Variants in DUSP22 observed in about 807,000 individuals in gnomAD.
DUSP22 encodes the protein dual specificity protein phosphatase 22.
In DUSP22, 24 loss-of-function variants were observed where a neutral mutation model predicts 24.5. The ratio of observed to expected loss-of-function variants is 0.98; its 90% CI spans 0.71 to 1.38. The LOEUF (loss-of-function observed/expected upper bound fraction) is 1.38, where lower values mean the gene tolerates loss of function less well. Ranked by LOEUF, DUSP22 falls within the 40% of genes most tolerant of loss-of-function variation. The pLI is 0.00. For missense variants in DUSP22, 330 were observed against 269.2 expected, an observed-to-expected ratio of 1.23 and a Z score of -1.58; for synonymous variants, 160 against 106.4, an observed-to-expected ratio of 1.50 and a Z score of -3.10.
intron 4 of DUSP22, among the ~76,000 whole-genome samples, chr6:337,350 G>C (rs200464684): frequency 7.9e-5 from 12 of 152,408 alleles, no homozygotes; most frequent in Middle Eastern, 3.4e-3. Context: ...TGTTTTCTGC[G>C]AACTCTGAGC....
chr6:313,891 A>T lies in DUSP22; in HGVS notation c.138+1929A>T, dbSNP rs1006926805. 2.0e-5 allele frequency among the ~76,000 whole-genome samples: 3 copies of T among 152,418 alleles called. No individual in the cohort carries two copies. The East Asian group carries it at 5.8e-4, about 29-fold the overall frequency. The stretch of plus-strand genomic sequence containing the variant: ...AGTTATTTGAATTGGTGGTGCCCAC[A>T]TTAAGTTATAGTCTCAGAAGTTCCA... On this transcript the variant is annotated intron_variant, in intron 3 of 6. Coordinates refer to ENST00000419235, the MANE Select transcript of DUSP22 (RefSeq NM_001286555.3).
chr6:300,884 CCT>C (rs1757551214), intron 1 of DUSP22, among the ~76,000 whole-genome samples: 1 of 152,310 alleles, frequency 6.6e-6, no homozygotes. Context: ...TCAGGGGCAA[CCT>C]TGGCAGGAGC....
intron 3 of DUSP22, among the ~76,000 whole-genome samples, chr6:331,091 A>C (rs1759121384): frequency 6.6e-6 from 1 of 152,308 alleles, no homozygotes; most frequent in South Asian, 2.1e-4. Context: ...TCTTGAAGCA[A>C]ACACAGAGCC....
chr6:343,596 C>T (rs1232171334), intron 4 of DUSP22, among the ~76,000 whole-genome samples: 1 of 103,338 alleles, frequency 9.7e-6, no homozygotes, highest in East Asian at 2.6e-4. Context: ...AGTCCGGAGT[C>T]CTTGATTTGG....
intron 1 of DUSP22, among the ~76,000 whole-genome samples, chr6:295,397 C>T (rs1438257915): frequency 2.0e-5 from 3 of 152,288 alleles, no homozygotes; most frequent in African/African-American, 4.8e-5. Context: ...AATATTGTGC[C>T]CGTTTCCGTT....
intron 3 of DUSP22, among the ~76,000 whole-genome samples, chr6:332,452 CCT>C (rs1295266276): frequency 1.3e-5 from 2 of 152,426 alleles, no homozygotes; most frequent in East Asian, 3.9e-4. Flanking sequence ...CTCGTGCCCA[CCT>C]GACAAGGTGC....
chr6:304,311 C>T (rs1487734585), intron 1 of DUSP22, among the ~76,000 whole-genome samples: 2 of 152,302 alleles, frequency 1.3e-5, no homozygotes, highest in East Asian at 1.9e-4. Flanking sequence ...GCTGCAGGGC[C>T]GCCAGGGCTG....
rs1760079987 is a variant in DUSP22, at chr6:349,546, C to T, written c.*595C>T. On this transcript the variant is annotated 3_prime_UTR_variant, in exon 7 of 7. Coordinates refer to ENST00000419235, the MANE Select transcript of DUSP22 (RefSeq NM_001286555.3). ...GAGTGGCTAAGAGCATGGCCTCTCCCAGAACCCACCCAGGGTGGTGTGGTG... is the reference window on the plus strand; with the variant it reads ...GAGTGGCTAAGAGCATGGCCTCTCCTAGAACCCACCCAGGGTGGTGTGGTG... 1 of 990,160 alleles carries T rather than the reference C, an allele frequency of 1.0e-6. No homozygotes were observed. Among genetic ancestry groups the T allele is most frequent in the African/African-American group, 1.7e-5 (1 of 57,426 alleles). The allele number at this position is 990,160 out of a possible 1,614,324, so 61.3% of individuals were successfully genotyped here.
chr6:326,073 C>T, intron 3 of DUSP22: 1 of 231,260 alleles, frequency 4.3e-6, no homozygotes, highest in Non-Finnish European at 8.2e-6. Context: ...GGAGAGTCAT[C>T]TGCCCTGGGC....
chr6:313,840 A>G (rs569621209), intron 3 of DUSP22, among the ~76,000 whole-genome samples: 2 of 152,424 alleles, frequency 1.3e-5, no homozygotes, highest in South Asian at 4.1e-4. Flanking sequence ...CTCTGATTGC[A>G]CAGTGGGGAA....
At chr6:296,179 A>G (rs1412982655) in intron 1 of DUSP22, among the ~76,000 whole-genome samples, 5 of 152,306 alleles carry the variant, frequency 3.3e-5, no homozygotes, top group African/African-American at 9.6e-5. Context: ...CAGGCAAGAA[A>G]CTAAAACTTT....
chr6:350,590 A>G lies in DUSP22; in HGVS notation c.*1639A>G. On this transcript the variant is annotated 3_prime_UTR_variant, in exon 7 of 7. Coordinates refer to ENST00000419235, the MANE Select transcript of DUSP22 (RefSeq NM_001286555.3). ...GCAGGTGCACAGGCCCCGGATGTAC[A>G]CCCGGAAAGGGGAGTGTGGCTGTAG... 7.0e-7 allele frequency: 1 copy of G among 1,423,284 alleles called. No individual in the cohort carries two copies. The highest frequency in any genetic ancestry group is 1.5e-5 in the South Asian group (1 of 65,994). The allele number at this position is 1,423,284 out of a possible 1,614,324, so 88.2% of individuals were successfully genotyped here.
chr6:338,255 G>A (rs1478826801), intron 4 of DUSP22, among the ~76,000 whole-genome samples: 2 of 152,304 alleles, frequency 1.3e-5, no homozygotes, highest in Non-Finnish European at 2.9e-5. Flanking sequence ...TGTGGAAATG[G>A]TGGAGCTGAC....
chr6:333,243 C>T lies in DUSP22; in HGVS notation c.139-1871C>T, dbSNP rs1046988366. ...GTGAAGGCAAAGGAGGGAGAAGCTG[C>T]TGCCTCACTTTCCTCTTCCACCAGC... is the stretch of plus-strand genomic sequence containing the variant. On this transcript the variant is annotated intron_variant, in intron 3 of 6. Transcript: ENST00000419235. Among the ~76,000 whole-genome samples, 3 of 152,426 alleles carry T rather than the reference C, an allele frequency of 2.0e-5. No individual in the cohort carries two copies. The East Asian group carries it at 5.8e-4, about 29-fold the overall frequency.
At chr6:327,322 C>T (rs1325879110) in intron 3 of DUSP22, among the ~76,000 whole-genome samples, 1 of 152,310 alleles carries the variant, frequency 6.6e-6, no homozygotes, top group Non-Finnish European at 1.5e-5. Flanking sequence ...GCCCCATTTA[C>T]AGCTGGAGGA....
intron 1 of DUSP22, among the ~76,000 whole-genome samples, chr6:301,031 G>T (rs997661631): frequency 1.5e-4 from 23 of 152,298 alleles, no homozygotes; most frequent in Non-Finnish European, 2.9e-4. Flanking sequence ...TATCCCTGCA[G>T]CCGGCGTGCA....
chr6:317,867 C>T (rs993081857), intron 3 of DUSP22, among the ~76,000 whole-genome samples: 25 of 152,276 alleles, frequency 1.6e-4, no homozygotes, highest in African/African-American at 4.3e-4. Flanking sequence ...TGTCTTATCA[C>T]GCATTTAGCC....
chr6:310,244 A>G (rs1303741883), intron 2 of DUSP22, among the ~76,000 whole-genome samples: 2 of 152,294 alleles, frequency 1.3e-5, no homozygotes, highest in Admixed American at 6.5e-5. Flanking sequence ...TACAGGTGTC[A>G]GTCACCATGC....
rs1760093497 is a variant in DUSP22 at position 349,730 on chromosome 6, C to G, written c.*779C>G. The G allele has an allele frequency of 2.2e-5, 22 of 986,000 alleles. No individual in the cohort carries two copies. The highest frequency in any genetic ancestry group is 2.4e-5 in the Non-Finnish European group (20 of 830,390). 61.1% of individuals were successfully genotyped at this position (986,000 alleles called of 1,614,324 possible). ...TGCCTCCATCTCAATGTGAATGCAC[C>G]AGGCTGAGGGTTCCCTAGCGCCTTG... On this transcript the variant is annotated 3_prime_UTR_variant, in exon 7 of 7. Coordinates refer to ENST00000419235, the MANE Select transcript of DUSP22 (RefSeq NM_001286555.3).
Sources: gnomAD v4.1 joint callset for allele counts (sites outside exome capture counted in the v4.1 genomes callset) on GRCh38, gnomAD v4.1.1 for gene constraint, MANE v1.5 for transcripts, NCBI Gene and HGNC (gene_info 2026-07-23, HGNC 2026-07-21) for gene names.